The following CDH10 variants were observed in gnomAD, a reference collection of about 807,000 sequenced individuals.
CDH10 encodes cadherin 10.
In CDH10, 30 loss-of-function variants were observed where a neutral mutation model predicts 73.1. That is an observed-to-expected ratio of 0.41 (90% CI 0.31 to 0.56). The LOEUF (loss-of-function observed/expected upper bound fraction) is 0.56. CDH10 is among the 20% of genes least tolerant of loss of function. The pLI is 0.27. For synonymous variants in CDH10, 345 were observed against 348.2 expected (o/e 0.99, Z 0.10); for missense variants, 815 against 973.7 (o/e 0.84, Z 2.17).
intron 2 of CDH10, among the ~76,000 whole-genome samples, chr5:24,549,712 C>G (rs1744477296): frequency 6.6e-6 from 1 of 151,884 alleles, no homozygotes. Flanking sequence ...CCACAATGCC[C>G]TGCTAATTTT....
chr5:24,584,700 ACCTAGTGAT>A (rs1488512949), intron 2 of CDH10, among the ~76,000 whole-genome samples: 2 of 151,336 alleles, frequency 1.3e-5, no homozygotes, highest in African/African-American at 4.9e-5. Flanking sequence ...CGATCTCCTG[ACCTAGTGAT>A]CCACCCGCCT....
At chr5:24,570,628 C>A (rs1186245454) in intron 2 of CDH10, among the ~76,000 whole-genome samples, 1 of 151,152 alleles carries the variant, frequency 6.6e-6, no homozygotes, top group African/African-American at 2.4e-5. Flanking sequence ...TCAAAATGTA[C>A]ACTGCTTGTT....
intron 2 of CDH10, among the ~76,000 whole-genome samples, chr5:24,589,366 A>T (rs1746127440): frequency 6.6e-6 from 1 of 152,308 alleles, no homozygotes; most frequent in Non-Finnish European, 1.5e-5. Flanking sequence ...ATTTAGAAGT[A>T]TTGACAGCAT....
chr5:24,543,381 T>C (rs1744225500), intron 2 of CDH10, among the ~76,000 whole-genome samples: 1 of 152,148 alleles, frequency 6.6e-6, no homozygotes, highest in Non-Finnish European at 1.5e-5. Context: ...AAAGATAAAT[T>C]TCGATGAATG....
intron 5 of CDH10, among the ~76,000 whole-genome samples, chr5:24,522,400 G>A (rs1427299663): frequency 6.6e-6 from 1 of 151,986 alleles, no homozygotes; most frequent in Non-Finnish European, 1.5e-5. Context: ...AAGAAACCTA[G>A]TAAAGAATGC....
Position 24,488,200 on chromosome 5 carries a change from A to G in CDH10, c.1877-47T>C. Reference sequence around the variant, plus strand: ...ACATTAGACGTCCGTTCAAAACACTATAAATAACGAGTGGAAATACTATAA... The same window carrying G: ...ACATTAGACGTCCGTTCAAAACACTGTAAATAACGAGTGGAAATACTATAA... On this transcript the variant is annotated intron_variant, in intron 11 of 11. Coordinates refer to ENST00000264463, the MANE Select transcript of CDH10 (RefSeq NM_006727.5). The G allele has an allele frequency of 2.8e-6, 4 of 1,453,458 alleles. No individual in the cohort carries two copies. In the African/African-American group the frequency reaches 5.7e-5, roughly 21 times the overall value. The allele number at this position is 1,453,458 out of a possible 1,614,324, so 90.0% of individuals were successfully genotyped here. A position where few individuals can be genotyped will look rare whatever the true frequency, so the allele number is the denominator to read the frequency against.
chr5:24,565,998 T>G (rs1745152721), intron 2 of CDH10, among the ~76,000 whole-genome samples: 1 of 152,222 alleles, frequency 6.6e-6, no homozygotes, highest in East Asian at 1.9e-4. Flanking sequence ...AGTACTAGTC[T>G]GTCCAACTTG....
chr5:24,536,100 C>T (rs116105664), intron 3 of CDH10, among the ~76,000 whole-genome samples: 3,137 of 152,104 alleles, frequency 0.021, 109 homozygotes, highest in African/African-American at 0.072. Flanking sequence ...TTTACAAATG[C>T]TCAAGTTGGA....
At chr5:24,600,830 C>T (rs902387013) in intron 1 of CDH10, among the ~76,000 whole-genome samples, 1 of 152,074 alleles carries the variant, frequency 6.6e-6, no homozygotes, top group Non-Finnish European at 1.5e-5. Flanking sequence ...TTGCATGACA[C>T]TTCTAAGGTG....
At chr5:24,588,592 G>C (rs190693998) in intron 2 of CDH10, among the ~76,000 whole-genome samples, 23 of 152,190 alleles carry the variant, frequency 1.5e-4, no homozygotes, top group African/African-American at 5.3e-4. Context: ...CTTCTCCTCC[G>C]ACTTCATTCC....
At chr5:24,607,622 A>T (rs528825094) in intron 1 of CDH10, among the ~76,000 whole-genome samples, 1 of 152,334 alleles carries the variant, frequency 6.6e-6, no homozygotes, top group South Asian at 2.1e-4. Flanking sequence ...TATATTATAC[A>T]CTTTATTGTC....
chr5:24,558,598 T>C (rs1167004766), intron 2 of CDH10, among the ~76,000 whole-genome samples: 3 of 151,660 alleles, frequency 2.0e-5, no homozygotes, highest in Non-Finnish European at 4.4e-5. Flanking sequence ...AAGTATATAC[T>C]TGAAGATATA....
intron 9 of CDH10, among the ~76,000 whole-genome samples, chr5:24,493,950 C>CTGTATTAGATTA (rs1742164585): frequency 6.6e-6 from 1 of 151,838 alleles, no homozygotes; most frequent in Non-Finnish European, 1.5e-5. Context: ...TTACAACTAT[C>CTGTATTAGATTA]TGTATTAGAT....
At chr5:24,550,759 A>T (rs186629739) in intron 2 of CDH10, among the ~76,000 whole-genome samples, 307 of 152,280 alleles carry the variant, frequency 2.0e-3, no homozygotes, top group Middle Eastern at 0.01. Flanking sequence ...CCAATTTTTC[A>T]AAATAAAAAC....
chr5:24,516,709 T>A (rs1743120750), intron 5 of CDH10, among the ~76,000 whole-genome samples: 2 of 152,112 alleles, frequency 1.3e-5, no homozygotes, highest in South Asian at 4.1e-4. Flanking sequence ...TTGGCTCTGG[T>A]GCCTTTCAAC....
rs1488547224 is a variant in CDH10, at chr5:24,537,636, T to C, written c.270A>G (p.Lys90=). Residue 90 remains lysine, a synonymous_variant, in exon 3 of 12, where the codon AAA becomes AAG. Transcript: ENST00000264463. Reference sequence around the variant, plus strand: ...CAGCTCCATCTCCAGATAAGATATATTTGAGTGATCCATCTCCTTTATCTT... The same window carrying C: ...CAGCTCCATCTCCAGATAAGATATACTTGAGTGATCCATCTCCTTTATCTT... ...SDQDKGDGSL[K]YILSGDGAGT... The C allele has an allele frequency of 6.2e-7, 1 of 1,603,578 alleles. No homozygotes were observed. The highest frequency in any genetic ancestry group is 8.5e-7 in the Non-Finnish European group (1 of 1,171,280).
intron 1 of CDH10, among the ~76,000 whole-genome samples, chr5:24,617,351 C>T (rs182872095): frequency 4.6e-5 from 7 of 152,148 alleles, no homozygotes; most frequent in African/African-American, 1.7e-4. Context: ...TGTAATATTA[C>T]CTAGAATATT....
chr5:24,570,041 C>T (rs1326095173), intron 2 of CDH10, among the ~76,000 whole-genome samples: 1 of 152,134 alleles, frequency 6.6e-6, no homozygotes, highest in East Asian at 1.9e-4. Flanking sequence ...CCTGGGATTA[C>T]AGGCGTGAGC....
chr5:24,621,908 C>T (rs1394502071), intron 1 of CDH10, among the ~76,000 whole-genome samples: 2 of 152,166 alleles, frequency 1.3e-5, no homozygotes, highest in Admixed American at 6.5e-5. Context: ...AGAGACATGA[C>T]GGAATGTTAT....
Sources: gnomAD v4.1 joint callset for allele counts (sites outside exome capture counted in the v4.1 genomes callset) on GRCh38, gnomAD v4.1.1 for gene constraint, MANE v1.5 for transcripts, NCBI Gene and HGNC (gene_info 2026-07-23, HGNC 2026-07-21) for gene names.